The following STMN4 variants were observed in gnomAD, a reference collection of about 807,000 sequenced individuals.
STMN4 encodes the protein stathmin-4.
A neutral mutation model predicts 29.1 loss-of-function variants in STMN4; 12 were observed. The observed-to-expected ratio is 0.41, with a 90% CI of 0.26 to 0.67. The LOEUF is 0.67. Among genes scored for constraint, STMN4 ranks in the 30% least tolerant of loss-of-function variants. The pLI is 0.30. For synonymous variants in STMN4, 114 were observed against 105.3 expected (o/e 1.08, Z -0.51); for missense variants, 181 against 262.8 (o/e 0.69, Z 2.15).
chr8:27,256,116 C>G (rs1586025258), intron 1 of STMN4, among the ~76,000 whole-genome samples: 1 of 152,226 alleles, frequency 6.6e-6, no homozygotes, highest in South Asian at 2.1e-4. Flanking sequence ...CATAAAAAGA[C>G]AAGTACTGTA....
intron 1 of STMN4, among the ~76,000 whole-genome samples, chr8:27,253,788 TG>T (rs1226230507): frequency 2.8e-4 from 12 of 42,148 alleles, no homozygotes; most frequent in African/African-American, 4.3e-4. Context: ...AGAAAGGAAT[TG>T]TTTTTTTTTT....
rs1045462759 is a variant in STMN4 at position 27,258,368 on chromosome 8, G to A, written c.-96C>T. The A allele has an allele frequency of 1.2e-4, 19 of 152,220 alleles. No homozygotes were observed. The highest frequency in any genetic ancestry group is 1.1e-3 in the Admixed American group (17 of 15,278). 9.4% of individuals were successfully genotyped at this position (152,220 alleles called of 1,614,324 possible). ...CTACTTACGTGCAGTCCAGTTAGAA[G>A]CGAGCTGCTCTCTTCCTCACTCCCT... On this transcript the variant is annotated 5_prime_UTR_variant, in exon 1 of 7. Transcript: ENST00000350889.
intron 4 of STMN4, 52 bp downstream of exon 4, chr8:27,241,625 A>C (rs2130069321): frequency 1.3e-6 from 2 of 1,596,736 alleles, no homozygotes; most frequent in Non-Finnish European, 1.7e-6. Context: ...ACCCCCGGCC[A>C]CAGCCCATCT....
chr8:27,242,396 C>T lies in STMN4; in HGVS notation c.109+1G>A. On this transcript the variant is annotated splice_donor_variant, in intron 3 of 6. Transcript: ENST00000350889. LOFTEE classifies it high-confidence loss of function. Reference sequence around the variant, plus strand: ...ACTTTCCTGGCTGAGCCTTCACTGACCTTCATATTTGTAGGACGACTTATT... The same window carrying T: ...ACTTTCCTGGCTGAGCCTTCACTGATCTTCATATTTGTAGGACGACTTATT... 6.2e-7 allele frequency: 1 copy of T among 1,614,162 alleles called. No individual in the cohort carries two copies. Among genetic ancestry groups the T allele is most frequent in the Non-Finnish European group, 8.5e-7 (1 of 1,180,010 alleles).
rs745973864 is a variant in STMN4, at chr8:27,239,913, G to C, written c.591+58C>G. On this transcript the variant is annotated intron_variant, in intron 6 of 6. Transcript: ENST00000350889. ...ATGATCAGCAGGTCCCCGCATACTTGCTGCAGAAGGAAAACAGCATGTCCC... is the reference window on the plus strand; with the variant it reads ...ATGATCAGCAGGTCCCCGCATACTTCCTGCAGAAGGAAAACAGCATGTCCC... 15 of 1,613,300 alleles carry C rather than the reference G, an allele frequency of 9.3e-6. No individual in the cohort carries two copies. In the South Asian group the frequency reaches 1.5e-4, roughly 17 times the overall value.
rs140013550 is a variant in STMN4 at position 27,244,275 on chromosome 8, G to T, written c.-78-474C>A. Among the ~76,000 whole-genome samples, 233 of 152,296 alleles carry T rather than the reference G, an allele frequency of 1.5e-3. 1 individual carries two copies. Among genetic ancestry groups the T allele is most frequent in the African/African-American group, 5.4e-3 (226 of 41,568 alleles). On this transcript the variant is annotated intron_variant, in intron 1 of 6. Transcript: ENST00000350889. ...TCTGATATGGGAAGAGAGGGAATTG[G>T]ACATAGGATGTTAACAGGCCTCTTC...
rs1801317012 is a variant in STMN4 at position 27,236,639 on chromosome 8, C to A, written c.*207G>T. 4 of 452,178 alleles carry A rather than the reference C, an allele frequency of 8.8e-6. No homozygotes were observed. The East Asian group carries it at 1.1e-4, about 13-fold the overall frequency. The allele number at this position is 452,178 out of a possible 1,614,324, so 28.0% of individuals were successfully genotyped here. On this transcript the variant is annotated 3_prime_UTR_variant, in exon 7 of 7. Transcript: ENST00000350889. ...ACTCTCTCCTCTCCCCTCTCCCACC[C>A]CGTCATTGTTCCCCGGAAACAAATA...
intron 4 of STMN4, 47 bp from the exon 5 acceptor site, chr8:27,241,309 G>C (rs1436096510): frequency 9.9e-6 from 16 of 1,611,004 alleles, no homozygotes; most frequent in Non-Finnish European, 1.2e-5. Context: ...AGAATGCACA[G>C]GCACCCAGCA....
intron 1 of STMN4, among the ~76,000 whole-genome samples, chr8:27,255,076 A>C (rs537944148): frequency 6.6e-6 from 1 of 152,092 alleles, no homozygotes; most frequent in Non-Finnish European, 1.5e-5. Flanking sequence ...AAAAAAAACA[A>C]TTTTTAAATG....
intron 1 of STMN4, among the ~76,000 whole-genome samples, chr8:27,248,608 T>G (rs898783508): frequency 2.0e-5 from 3 of 151,126 alleles, no homozygotes; most frequent in African/African-American, 7.2e-5. Context: ...ATAGCAATAA[T>G]AACAACTACC....
At chr8:27,252,381 G>A (rs559316340) in intron 1 of STMN4, among the ~76,000 whole-genome samples, 9 of 152,202 alleles carry the variant, frequency 5.9e-5, no homozygotes, top group Admixed American at 2.6e-4. Flanking sequence ...CTGAGGAATC[G>A]CCACAAAGGG....
rs979983195 is a variant in STMN4, at chr8:27,240,013, C to T, written c.549G>A (p.Arg183=). ...CCAACATGGCGGCGAGGTGGGCCTCCCTGTTCTCCTTGTTGGATTCCATCT... is the reference window on the plus strand; with the variant it reads ...CCAACATGGCGGCGAGGTGGGCCTCTCTGTTCTCCTTGTTGGATTCCATCT... The part of the protein sequence containing the change: ...AQKMESNKEN[R]EAHLAAMLER... Residue 183 remains arginine, a synonymous_variant, in exon 6 of 7, where the codon AGG becomes AGA. Transcript: ENST00000350889. 1.9e-6 allele frequency: 3 copies of T among 1,614,246 alleles called. No homozygotes were observed. The East Asian group carries it at 6.7e-5, about 36-fold the overall frequency.
rs764535172 is a variant in STMN4 at position 27,243,717 on chromosome 8, G to T, written c.7C>A (p.Leu3Ile). The T allele has an allele frequency of 6.2e-7, 1 of 1,614,202 alleles. No homozygotes were observed. Among genetic ancestry groups the T allele is most frequent in the South Asian group, 1.1e-5 (1 of 91,084 alleles). MT[L>I]AAYKEKMKEL... ...ACATGGTTTTTGTACCTACCAGCAAGGGTCATGTTTCTGGGATCTGGTGGC... is the reference window on the plus strand; with the variant it reads ...ACATGGTTTTTGTACCTACCAGCAATGGTCATGTTTCTGGGATCTGGTGGC... The change falls in exon 2 of 7, where the codon CTT (leucine) becomes ATT (isoleucine). Residue 3 changes from leucine (L) to isoleucine (I), a missense_variant. Physicochemically the swap from Leu to Ile is conservative, Grantham distance 5. Coordinates refer to ENST00000350889, the MANE Select transcript of STMN4 (RefSeq NM_030795.4).
chr8:27,239,411 A>C, intron 6 of STMN4: 1 of 964,238 alleles, frequency 1.0e-6, no homozygotes, highest in Non-Finnish European at 1.5e-6. Flanking sequence ...CACAGAACCA[A>C]CCCCGGCCTC....
intron 1 of STMN4, among the ~76,000 whole-genome samples, chr8:27,253,339 A>G (rs2130161041): frequency 6.6e-6 from 1 of 152,334 alleles, no homozygotes; most frequent in Non-Finnish European, 1.5e-5. Context: ...TTTTATGTCT[A>G]TATTTCACTA....
chr8:27,238,496 GTC>G (rs1253371971), intron 6 of STMN4, among the ~76,000 whole-genome samples: 3 of 152,296 alleles, frequency 2.0e-5, no homozygotes, highest in African/African-American at 7.2e-5. Context: ...GACCTTTCCA[GTC>G]TCTCTGCCTC....
Position 27,242,462 on chromosome 8 carries a change from A to G in STMN4, c.44T>C (p.Leu15Pro), listed in dbSNP as rs755340064. ...AYKEKMKELP[L>P]VSLFCSCFLA... ...GAAGCAGGAGCAGAACAAGGACACC[A>G]GCGGGAGCTCCTTCATCTTCTCTTT... The change falls in exon 3 of 7, where the codon CTG becomes CCG. Residue 15 changes from leucine (L) to proline (P), a missense_variant. Leu to Pro is a moderately conservative substitution (Grantham distance 98). Transcript: ENST00000350889. 3.7e-6 allele frequency: 6 copies of G among 1,614,188 alleles called. No individual in the cohort carries two copies. Among genetic ancestry groups the G allele is most frequent in the South Asian group, 3.3e-5 (3 of 91,086 alleles).
At chr8:27,251,108 G>T (rs112641566) in intron 1 of STMN4, among the ~76,000 whole-genome samples, 1 of 151,804 alleles carries the variant, frequency 6.6e-6, no homozygotes, top group African/African-American at 2.4e-5. Flanking sequence ...TTAGCCCAGC[G>T]TGGTGGTGCA....
chr8:27,251,416 G>A lies in STMN4; in HGVS notation c.-79+6935C>T, dbSNP rs1801782405. 5.3e-5 allele frequency among the ~76,000 whole-genome samples: 8 copies of A among 151,614 alleles called. No individual in the cohort carries two copies. The South Asian group carries it at 1.0e-3, about 20-fold the overall frequency. ...GCATGGACTTCCATTCTGGGCTGCT[G>A]GAGAGTGTGCAAGGCATGTGACCCA... On this transcript the variant is annotated intron_variant, in intron 1 of 6. Transcript: ENST00000350889.
Sources: gnomAD v4.1 joint callset for allele counts (sites outside exome capture counted in the v4.1 genomes callset) on GRCh38, gnomAD v4.1.1 for gene constraint, MANE v1.5 for transcripts, NCBI Gene and HGNC (gene_info 2026-07-23, HGNC 2026-07-21) for gene names.